AJAP1: variants seen among roughly 807,000 people sequenced by gnomAD.
The protein encoded by AJAP1 is adherens junctions associated protein 1, also known as adherens junction-associated protein 1.
AJAP1 carries 5 observed loss-of-function variants against 35.0 expected under a neutral mutation model. The observed-to-expected ratio is 0.14, with a 90% CI of 0.07 to 0.30. AJAP1 has a LOEUF of 0.30. AJAP1 is among the 10% of genes least tolerant of loss of function. The pLI, the probability that AJAP1 is intolerant of heterozygous loss-of-function variation, is 1.00. For missense variants in AJAP1, 586 were observed against 571.0 expected, an observed-to-expected ratio of 1.03 and a Z score of -0.27; for synonymous variants, 284 against 249.3, an observed-to-expected ratio of 1.14 and a Z score of -1.31.
chr1:4,712,494 C>T lies in AJAP1; in HGVS notation c.624C>T (p.Ile208=). Residue 208 remains isoleucine, a synonymous_variant, in exon 2 of 6, where the codon ATC becomes ATT. Coordinates refer to ENST00000378191, the MANE Select transcript of AJAP1 (RefSeq NM_018836.4). ...PGVYGPTTVS[I]LQTRKTTVAA... Reference sequence around the variant, plus strand: ...TTTACGGCCCCACCACGGTCTCCATCCTACAAACACGGAAGACAACTGTGG... The same window carrying T: ...TTTACGGCCCCACCACGGTCTCCATTCTACAAACACGGAAGACAACTGTGG... 6.2e-7 allele frequency: 1 copy of T among 1,612,816 alleles called. No individual in the cohort carries two copies. Among genetic ancestry groups the T allele is most frequent in the South Asian group, 1.1e-5 (1 of 90,794 alleles).
At chr1:4,679,838 T>TA (rs1365757453) in intron 1 of AJAP1, among the ~76,000 whole-genome samples, 1 of 151,308 alleles carries the variant, frequency 6.6e-6, no homozygotes, top group East Asian at 2.0e-4. Flanking sequence ...TGTGTGTGTG[T>TA]GTGTGTGTGT....
In AJAP1 at chr1:4,774,528, G is replaced by T; in HGVS notation, c.*29G>T. Reference sequence around the variant, plus strand: ...GCCGAAGTCTTTTTTACCTCCTGGGGGCAGGGCAGACGCCGTGTGTCTGTT... The same window carrying T: ...GCCGAAGTCTTTTTTACCTCCTGGGTGCAGGGCAGACGCCGTGTGTCTGTT... On this transcript the variant is annotated 3_prime_UTR_variant, in exon 5 of 6. Coordinates refer to ENST00000378191, the MANE Select transcript of AJAP1 (RefSeq NM_018836.4). 6.2e-7 allele frequency: 1 copy of T among 1,605,482 alleles called. No homozygotes were observed. The highest frequency in any genetic ancestry group is 1.1e-5 in the South Asian group (1 of 90,902).
chr1:4,711,927 C>T lies in AJAP1; in HGVS notation c.57C>T (p.Arg19=). Residue 19 remains arginine, a synonymous_variant, in exon 2 of 6, where the codon CGC becomes CGT. Coordinates refer to ENST00000378191, the MANE Select transcript of AJAP1 (RefSeq NM_018836.4). ...LSSMSIRWPG[R]PLGSHAWILI... is the part of the protein sequence containing the mutation. ...CCATGTCCATCCGCTGGCCGGGCCG[C>T]CCCCTCGGAAGCCATGCCTGGATAC... 2 of 1,526,486 alleles carry T rather than the reference C, an allele frequency of 1.3e-6. No homozygotes were observed. The highest frequency in any genetic ancestry group is 1.7e-6 in the Non-Finnish European group (2 of 1,143,084). The allele number at this position is 1,526,486 out of a possible 1,614,324, so 94.6% of individuals were successfully genotyped here. A position where few individuals can be genotyped will look rare whatever the true frequency, so the allele number is the denominator to read the frequency against.
rs1185907061 is a variant in AJAP1, at chr1:4,693,829, A to G, written c.30-18071A>G. Among the ~76,000 whole-genome samples the G allele has an allele frequency of 6.6e-6, 1 of 152,010 alleles. No individual in the cohort carries two copies. Among genetic ancestry groups the G allele is most frequent in the Non-Finnish European group, 1.5e-5 (1 of 67,986 alleles). ...GGCCAAACGCGTCCTTTTATCAGGA[A>G]CCCACTTGGGGGAGATAATGGCATT... is the stretch of plus-strand genomic sequence containing the variant. On this transcript the variant is annotated intron_variant, in intron 1 of 5. Coordinates refer to ENST00000378191, the MANE Select transcript of AJAP1 (RefSeq NM_018836.4). The surrounding 1 kb of genome is among the most constrained non-coding windows in gnomAD (Gnocchi z 4.4).
At chr1:4,750,989 C>CT (rs1255144462) in intron 2 of AJAP1, among the ~76,000 whole-genome samples, 1 of 151,472 alleles carries the variant, frequency 6.6e-6, no homozygotes, top group East Asian at 2.0e-4. Flanking sequence ...ATCCGAGACT[C>CT]TGAGTGGTCA....
At chr1:4,700,386 C>A (rs980703942) in intron 1 of AJAP1, among the ~76,000 whole-genome samples, 1 of 152,168 alleles carries the variant, frequency 6.6e-6, no homozygotes, top group African/African-American at 2.4e-5. Context: ...ATGAGTGGAT[C>A]TGCCTGAGGC....
chr1:4,654,640 G>C lies in AJAP1; in HGVS notation c.-786G>C, dbSNP rs1021540927. On this transcript the variant is annotated 5_prime_UTR_variant, in exon 1 of 6. Transcript: ENST00000378191. This position sits in a 1 kb window ranked among gnomAD's most constrained non-coding sequence, Gnocchi z 5.1. ...GAGGAGGGAGGCGGCTGAGCAGCGCGGGCGGCTCTGCGGCGGGCGCGGTGG... is the reference window on the plus strand; with the variant it reads ...GAGGAGGGAGGCGGCTGAGCAGCGCCGGCGGCTCTGCGGCGGGCGCGGTGG... The C allele has an allele frequency of 6.7e-6, 1 of 149,760 alleles. No homozygotes were observed. Among genetic ancestry groups the C allele is most frequent in the African/African-American group, 2.4e-5 (1 of 41,048 alleles). 9.3% of individuals were successfully genotyped at this position (149,760 alleles called of 1,614,324 possible). A position where few individuals can be genotyped will look rare whatever the true frequency, so the allele number is the denominator to read the frequency against.
intron 1 of AJAP1, among the ~76,000 whole-genome samples, chr1:4,664,041 C>T (rs1367953853): frequency 1.3e-5 from 2 of 152,134 alleles, no homozygotes; most frequent in Non-Finnish European, 2.9e-5. Context: ...TGTTCTATGC[C>T]CGTGCCGTAT....
chr1:4,688,726 C>G (rs893896429), intron 1 of AJAP1, among the ~76,000 whole-genome samples: 1 of 137,870 alleles, frequency 7.3e-6, no homozygotes, highest in South Asian at 2.3e-4. Context: ...GAGCTGAGAT[C>G]GTGCCACTGC....
At chr1:4,660,674 A>G (rs1238543467) in intron 1 of AJAP1, among the ~76,000 whole-genome samples, 1 of 152,146 alleles carries the variant, frequency 6.6e-6, no homozygotes, top group African/African-American at 2.4e-5. Flanking sequence ...GGGGTCGTGT[A>G]TTTGTATTTA....
chr1:4,781,681 G>A (rs944443757), intron 5 of AJAP1, among the ~76,000 whole-genome samples: 9 of 152,186 alleles, frequency 5.9e-5, no homozygotes, highest in Non-Finnish European at 1.0e-4. Context: ...GACAGCAGAG[G>A]GACCCAGACA....
rs1417355608 is a variant in AJAP1, at chr1:4,720,216, G to T, written c.829+7517G>T. On this transcript the variant is annotated intron_variant, in intron 2 of 5. Coordinates refer to ENST00000378191, the MANE Select transcript of AJAP1 (RefSeq NM_018836.4). The surrounding 1 kb of genome is among the most constrained non-coding windows in gnomAD (Gnocchi z 4.4). ...GAGTAATGGACCCATGTGCCACGTG[G>T]TTAGACATGAAGACAGGCTTCGGGT... Among the ~76,000 whole-genome samples the T allele has an allele frequency of 6.6e-6, 1 of 152,228 alleles. No individual in the cohort carries two copies. The highest frequency in any genetic ancestry group is 2.4e-5 in the African/African-American group (1 of 41,452).
intron 2 of AJAP1, among the ~76,000 whole-genome samples, chr1:4,732,844 C>T (rs1042900514): frequency 2.6e-5 from 4 of 152,182 alleles, no homozygotes; most frequent in Non-Finnish European, 4.4e-5. Context: ...TTACAGTCTG[C>T]TTCGAAAATT....
At chr1:4,677,530 GGGT>G (rs1639388203) in intron 1 of AJAP1, among the ~76,000 whole-genome samples, 1 of 151,922 alleles carries the variant, frequency 6.6e-6, no homozygotes, top group Admixed American at 6.6e-5. Flanking sequence ...ACCTCTCTCT[GGGT>G]CCACTCTGTG....
chr1:4,748,757 A>G (rs112909629), intron 2 of AJAP1, among the ~76,000 whole-genome samples: 8,401 of 147,414 alleles, frequency 0.057, 569 homozygotes, highest in African/African-American at 0.18. Flanking sequence ...CAAAAAAAAA[A>G]AAAAAAAAAA....
At chr1:4,778,189 C>T (rs3753732) in intron 5 of AJAP1, among the ~76,000 whole-genome samples, 4 of 152,126 alleles carry the variant, frequency 2.6e-5, no homozygotes, top group Non-Finnish European at 5.9e-5. Flanking sequence ...TCCCAGATCC[C>T]GATCTGGAAG....
intron 1 of AJAP1, among the ~76,000 whole-genome samples, chr1:4,663,660 G>A (rs1188759844): frequency 6.7e-6 from 1 of 149,670 alleles, no homozygotes; most frequent in Non-Finnish European, 1.5e-5. Context: ...GGCTCAACTG[G>A]CCCCAGACGG....
intron 1 of AJAP1, among the ~76,000 whole-genome samples, chr1:4,688,284 C>T (rs1639655036): frequency 6.6e-6 from 1 of 152,108 alleles, no homozygotes; most frequent in Non-Finnish European, 1.5e-5. Flanking sequence ...CCACACGGGG[C>T]TGGTGTCATC....
chr1:4,699,681 C>T (rs1181878805), intron 1 of AJAP1, among the ~76,000 whole-genome samples: 1 of 152,142 alleles, frequency 6.6e-6, no homozygotes, highest in Non-Finnish European at 1.5e-5. Context: ...GGGACACATC[C>T]TTCCTAGAAC....
Sources: gnomAD v4.1 joint callset for allele counts (sites outside exome capture counted in the v4.1 genomes callset) on GRCh38, gnomAD v4.1.1 for gene constraint, Gnocchi (gnomAD v3.1) non-coding constraint, MANE v1.5 for transcripts, NCBI Gene and HGNC (gene_info 2026-07-23, HGNC 2026-07-21) for gene names.